Variants in COTL1 observed in about 807,000 individuals in gnomAD.
COTL1 encodes the protein coactosin-like protein.
COTL1 carries 15 observed loss-of-function variants against 16.5 expected under a neutral mutation model. The ratio of observed to expected loss-of-function variants is 0.91; its 90% CI spans 0.61 to 1.40. COTL1 has a LOEUF of 1.40. COTL1 is among the 40% of genes most tolerant of loss of function. COTL1 has a pLI of 0.00. For synonymous variants in COTL1, 112 were observed against 85.3 expected, an observed-to-expected ratio of 1.31 and a Z score of -1.73; for missense variants, 220 against 201.5, an observed-to-expected ratio of 1.09 and a Z score of -0.56.
intron 2 of COTL1, among the ~76,000 whole-genome samples, chr16:84,615,545 G>A (rs1017357451): frequency 6.6e-5 from 10 of 152,276 alleles, no homozygotes; most frequent in Non-Finnish European, 1.0e-4. Flanking sequence ...GGTGACCAGC[G>A]GGAGGAAAGA....
At position 84,590,215 on chromosome 16, in the gene COTL1, T is replaced by C. The variant is rs1173436917; in HGVS notation, c.208A>G (p.Met70Val). The C allele has an allele frequency of 1.9e-6, 3 of 1,614,208 alleles. No homozygotes were observed. Among genetic ancestry groups the C allele is most frequent in the East Asian group, 2.2e-5 (1 of 44,892 alleles). ...AFVRFTTGDA[M>V]SKRSKFALIT... ...AGGGCAAACTTGGACCTCTTGCTCA[T>C]GGCATCCCCGGTGGTGAAGCGCACG... The change falls in exon 3 of 4, where the codon ATG becomes GTG. Residue 70 changes from methionine (M) to valine (V), a missense_variant. Physicochemically the swap from Met to Val is conservative, Grantham distance 21. Transcript: ENST00000262428. This position sits in a 1 kb window ranked among gnomAD's most constrained non-coding sequence, Gnocchi z 5.5.
At position 84,566,070 on chromosome 16, in the gene COTL1, T is replaced by G. The variant is rs904420981; in HGVS notation, c.*775A>C. ...AATACTCCCTCCGTCAACTCTGGGC[T>G]CAGACCTTTGCCCTTCTCTGTGTCA... On this transcript the variant is annotated 3_prime_UTR_variant, in exon 4 of 4. Transcript: ENST00000262428. 6.5e-6 allele frequency: 1 copy of G among 152,706 alleles called. No homozygotes were observed. The highest frequency in any genetic ancestry group is 1.5e-5 in the Non-Finnish European group (1 of 68,084). The allele number at this position is 152,706 out of a possible 1,614,324, so 9.5% of individuals were successfully genotyped here. A position where few individuals can be genotyped will look rare whatever the true frequency, so the allele number is the denominator to read the frequency against.
chr16:84,617,302 A>G (rs1205915349), intron 2 of COTL1, among the ~76,000 whole-genome samples, 199 bp downstream of exon 2: 2 of 152,206 alleles, frequency 1.3e-5, no homozygotes, highest in Non-Finnish European at 2.9e-5. Flanking sequence ...CAGGTGGGTC[A>G]CTTCTGTTGC....
At chr16:84,617,693 G>T (rs886781212) in intron 1 of COTL1, 110 bp from the exon 2 acceptor site, 1 of 1,384,716 alleles carries the variant, frequency 7.2e-7, no homozygotes, top group Non-Finnish European at 1.0e-6. Flanking sequence ...GGAGAAGCCC[G>T]CGGGGGCCTG....
At position 84,609,911 on chromosome 16, in the gene COTL1, T is replaced by A. The variant is rs6420383; in HGVS notation, c.160+7590A>T. 2.6e-5 allele frequency among the ~76,000 whole-genome samples: 4 copies of A among 152,200 alleles called. No homozygotes were observed. The East Asian group carries it at 5.8e-4, about 22-fold the overall frequency. On this transcript the variant is annotated intron_variant, in intron 2 of 3. Coordinates refer to ENST00000262428, the MANE Select transcript of COTL1 (RefSeq NM_021149.5). ...GAGCCAATTAAACCTCTTTTCTTTA[T>A]AAATTACCCAGTCACGGGTATTTCT...
At chr16:84,570,569 C>T (rs1017952435) in intron 3 of COTL1, among the ~76,000 whole-genome samples, 45 of 151,306 alleles carry the variant, frequency 3.0e-4, no homozygotes, top group African/African-American at 1.1e-3. Context: ...CCAAGTTATA[C>T]AAACAAAAGT....
rs1356812990 is a variant in COTL1, at chr16:84,590,884, C to G, written c.161-622G>C. Among the ~76,000 whole-genome samples the G allele has an allele frequency of 6.6e-6, 1 of 152,054 alleles. No individual in the cohort carries two copies. The highest frequency in any genetic ancestry group is 1.5e-5 in the Non-Finnish European group (1 of 68,036). ...TATGAAGAGGAAACAAAGAAAATGGCTCTTAATTTGGCCCGGGATATGGCT... is the reference window on the plus strand; with the variant it reads ...TATGAAGAGGAAACAAAGAAAATGGGTCTTAATTTGGCCCGGGATATGGCT... On this transcript the variant is annotated intron_variant, in intron 2 of 3. Transcript: ENST00000262428. The surrounding 1 kb of genome is among the most constrained non-coding windows in gnomAD (Gnocchi z 5.5).
At chr16:84,585,098 C>T (rs367977332) in intron 3 of COTL1, among the ~76,000 whole-genome samples, 1 of 152,186 alleles carries the variant, frequency 6.6e-6, no homozygotes, top group African/African-American at 2.4e-5. Context: ...AGCAAGTCAA[C>T]TCATCCCATT....
At chr16:84,583,507 G>C (rs1198770716) in intron 3 of COTL1, among the ~76,000 whole-genome samples, 1 of 152,130 alleles carries the variant, frequency 6.6e-6, no homozygotes, top group Non-Finnish European at 1.5e-5. Context: ...ACCCAGGCTG[G>C]AATGCAATGA....
intron 2 of COTL1, among the ~76,000 whole-genome samples, chr16:84,598,469 G>T (rs939630486): frequency 6.6e-6 from 1 of 152,106 alleles, no homozygotes; most frequent in Non-Finnish European, 1.5e-5. Context: ...GCATCCTAAC[G>T]TTCTCAGGAT....
intron 2 of COTL1, among the ~76,000 whole-genome samples, chr16:84,603,599 T>C (rs1045087989): frequency 6.6e-6 from 1 of 151,628 alleles, no homozygotes; most frequent in Non-Finnish European, 1.5e-5. Flanking sequence ...TAGGTGAGGA[T>C]GATAAGGACA....
At chr16:84,572,437 G>C (rs139506359) in intron 3 of COTL1, among the ~76,000 whole-genome samples, 1 of 152,190 alleles carries the variant, frequency 6.6e-6, no homozygotes, top group East Asian at 1.9e-4. Context: ...CCAGGGCCTA[G>C]AGCAATGCGG....
At chr16:84,585,717 G>A (rs1315074411) in intron 3 of COTL1, among the ~76,000 whole-genome samples, 1 of 152,170 alleles carries the variant, frequency 6.6e-6, no homozygotes, top group Non-Finnish European at 1.5e-5. Context: ...GCCGTGGAAA[G>A]ACAGCATTAT....
At position 84,578,866 on chromosome 16, in the gene COTL1, C is replaced by A. The variant is rs565698925; in HGVS notation, c.318+11239G>T. On this transcript the variant is annotated intron_variant, in intron 3 of 3. Transcript: ENST00000262428. ...ACACAGGTATGCACACACACATACA[C>A]ATGCAGGCATGCATACACACAGACG... Among the ~76,000 whole-genome samples, 8 of 152,170 alleles carry A rather than the reference C, an allele frequency of 5.3e-5. No homozygotes were observed. In the South Asian group the frequency reaches 1.5e-3, roughly 28 times the overall value.
intron 3 of COTL1, among the ~76,000 whole-genome samples, chr16:84,588,157 G>A (rs78194657): frequency 0.01 from 1,584 of 152,154 alleles, 17 homozygotes; most frequent in Middle Eastern, 0.037. Flanking sequence ...TGAGGTGTAG[G>A]AATGCTTGAG....
In COTL1 at chr16:84,607,992, G is replaced by A. The variant is rs150228660; in HGVS notation, c.160+9509C>T. Among the ~76,000 whole-genome samples the A allele has an allele frequency of 2.8e-3, 421 of 152,334 alleles. 1 individual carries two copies. Among genetic ancestry groups the A allele is most frequent in the African/African-American group, 9.5e-3 (396 of 41,574 alleles). ...AGGAGAACTAGGCAAGTCTAGCCAC[G>A]CAGAAGCAGAAGCACAAGCGAGGGG... On this transcript the variant is annotated intron_variant, in intron 2 of 3. Transcript: ENST00000262428.
At chr16:84,587,357 G>A (rs1295335141) in intron 3 of COTL1, among the ~76,000 whole-genome samples, 1 of 152,056 alleles carries the variant, frequency 6.6e-6, no homozygotes, top group Non-Finnish European at 1.5e-5. Context: ...TGATTATCTC[G>A]CCTCTTAACT....
intron 3 of COTL1, among the ~76,000 whole-genome samples, chr16:84,572,195 T>C (rs1048802874): frequency 6.6e-6 from 1 of 152,222 alleles, no homozygotes; most frequent in African/African-American, 2.4e-5. Context: ...AGACAGACTC[T>C]GACTTGGGAG....
At chr16:84,599,473 T>C (rs1905070342) in intron 2 of COTL1, among the ~76,000 whole-genome samples, 2 of 152,196 alleles carry the variant, frequency 1.3e-5, no homozygotes, top group Admixed American at 6.5e-5. Context: ...CGTAAGTCCT[T>C]TGGATCTTTT....
Sources: allele counts gnomAD v4.1 joint callset (sites outside exome capture counted in the v4.1 genomes callset), GRCh38; gene constraint gnomAD v4.1.1; non-coding constraint Gnocchi (gnomAD v3.1); transcripts MANE v1.5; gene names NCBI Gene and HGNC (gene_info 2026-07-23, HGNC 2026-07-21).